The following TMEM63C variants were observed in gnomAD, a reference collection of about 807,000 sequenced individuals.
TMEM63C encodes the protein transmembrane protein 63C, also known as osmosensitive cation channel TMEM63C.
In TMEM63C, 32 loss-of-function variants were observed where a neutral mutation model predicts 99.2. That is an observed-to-expected ratio of 0.32 (90% CI 0.24 to 0.43). The LOEUF (loss-of-function observed/expected upper bound fraction) is 0.43, where lower values mean the gene tolerates loss of function less well. Among genes scored for constraint, TMEM63C ranks in the 20% least tolerant of loss-of-function variants. The pLI is 1.00. For synonymous variants in TMEM63C, 376 were observed against 397.9 expected (o/e 0.94, Z 0.66); for missense variants, 826 against 1,053.0 (o/e 0.78, Z 2.98).
chr14:77,251,807 C>T lies in TMEM63C; in HGVS notation c.2057C>T (p.Thr686Ile). 6.2e-7 allele frequency: 1 copy of T among 1,614,018 alleles called. No individual in the cohort carries two copies. Among genetic ancestry groups the T allele is most frequent in the Non-Finnish European group, 8.5e-7 (1 of 1,179,880 alleles). The change falls in exon 22 of 24, where the codon ACC becomes ATC. Residue 686 changes from threonine (T) to isoleucine (I), a missense_variant. Physicochemically the swap from Thr to Ile is moderately conservative, Grantham distance 89 (BLOSUM62 -1). Coordinates refer to ENST00000298351, the MANE Select transcript of TMEM63C (RefSeq NM_020431.4). ...TCGGCAGGTTCTCTCCACGCCATCA[C>T]CATCTTTTCCCTGTCCACCCTCCTC... ...ILRLGSLHAITIFSLSTLLIA... is the reference protein window; with the variant it reads ...ILRLGSLHAIIIFSLSTLLIA...
chr14:77,184,852 A>C, intron 1 of TMEM63C, among the ~76,000 whole-genome samples: 1 of 152,280 alleles, frequency 6.6e-6, no homozygotes, highest in East Asian at 1.9e-4. Flanking sequence ...CTCACGAAGT[A>C]TGGTGTGTCC....
intron 5 of TMEM63C, 33 bp from the exon 6 acceptor site, chr14:77,225,391 G>A (rs1174019753): frequency 6.2e-7 from 1 of 1,611,336 alleles, no homozygotes; most frequent in East Asian, 2.2e-5. Context: ...CCAGGACCTG[G>A]GTTTTCTCAC....
chr14:77,190,867 C>G (rs1373743712), intron 1 of TMEM63C, among the ~76,000 whole-genome samples: 1 of 152,006 alleles, frequency 6.6e-6, no homozygotes, highest in Non-Finnish European at 1.5e-5. Flanking sequence ...TTCTTTAATA[C>G]CACTCTAGAG....
At chr14:77,230,192 A>C (rs1888911581) in intron 6 of TMEM63C, among the ~76,000 whole-genome samples, 2 of 145,944 alleles carry the variant, frequency 1.4e-5, no homozygotes. Context: ...ACAGAGCAAG[A>C]CTCTGTCTCA....
At chr14:77,194,493 TTTTCTTTCTTTC>T (rs756926975) in intron 1 of TMEM63C, among the ~76,000 whole-genome samples, 70 of 48,738 alleles carry the variant, frequency 1.4e-3, no homozygotes, top group African/African-American at 4.5e-3. Context: ...CATATTTCTT[TTTTCTTTCTTTC>T]TTTCTTTCTT....
intron 2 of TMEM63C, among the ~76,000 whole-genome samples, chr14:77,216,341 G>A (rs760011826): frequency 3.9e-5 from 6 of 152,026 alleles, no homozygotes; most frequent in Non-Finnish European, 7.4e-5. Flanking sequence ...GGCGCACCCC[G>A]AGGCTCCCAC....
At chr14:77,200,271 G>A (rs967142146) in intron 1 of TMEM63C, among the ~76,000 whole-genome samples, 2 of 152,182 alleles carry the variant, frequency 1.3e-5, no homozygotes, top group Admixed American at 1.3e-4. Context: ...AGGCTCTGAT[G>A]ATCCCCAGAG....
At chr14:77,234,221 G>T (rs1414094944) in intron 8 of TMEM63C, among the ~76,000 whole-genome samples, 2 of 152,170 alleles carry the variant, frequency 1.3e-5, no homozygotes, top group Non-Finnish European at 2.9e-5. Flanking sequence ...TGTGAGTGGG[G>T]TTCACACACC....
chr14:77,242,275 G>A lies in TMEM63C; in HGVS notation c.1065-72G>A, dbSNP rs142228943. On this transcript the variant is annotated intron_variant, in intron 13 of 23. Transcript: ENST00000298351. ...ACCACCATAGTGGCCCTGAGCTCCT[G>A]GCATGAGACCCTCCTAAGCCCATCC... 9.9e-4 allele frequency: 1,547 copies of A among 1,559,260 alleles called. 12 individuals are homozygous for A. In the African/African-American group the frequency reaches 0.019, roughly 19 times the overall value.
chr14:77,201,459 A>G (rs10141218), intron 1 of TMEM63C, among the ~76,000 whole-genome samples: 2,972 of 152,286 alleles, frequency 0.02, 99 homozygotes, highest in African/African-American at 0.069. Flanking sequence ...GAGGCTGCCC[A>G]CACCAAAGTC....
chr14:77,255,415 C>A (rs1889444701), intron 23 of TMEM63C, among the ~76,000 whole-genome samples: 1 of 152,178 alleles, frequency 6.6e-6, no homozygotes, highest in African/African-American at 2.4e-5. Flanking sequence ...CTTGTCCAAC[C>A]CAATATCAAA....
chr14:77,244,410 C>G lies in TMEM63C; in HGVS notation c.1403C>G (p.Pro468Arg), dbSNP rs573613212. Reference sequence around the variant, plus strand: ...CTCTGGGGCTTCACAGTGATACTGCCTCTGATTGTCTACTTCTCCGCCTTC... The same window carrying G: ...CTCTGGGGCTTCACAGTGATACTGCGTCTGATTGTCTACTTCTCCGCCTTC... ...VMLWGFTVILPLIVYFSAFLE... is the reference protein window; with the variant it reads ...VMLWGFTVILRLIVYFSAFLE... The change falls in exon 16 of 24, where the codon CCT (proline) becomes CGT (arginine). Residue 468 changes from proline (P) to arginine (R), a missense_variant. Physicochemically the swap from Pro to Arg is moderately radical, Grantham distance 103. Coordinates refer to ENST00000298351, the MANE Select transcript of TMEM63C (RefSeq NM_020431.4). The G allele has an allele frequency of 2.5e-6, 4 of 1,613,836 alleles. No homozygotes were observed. In the African/African-American group the frequency reaches 4.0e-5, roughly 16 times the overall value.
intron 21 of TMEM63C, among the ~76,000 whole-genome samples, chr14:77,250,937 C>A (rs1889349448): frequency 1.3e-5 from 2 of 152,202 alleles, no homozygotes; most frequent in African/African-American, 2.4e-5. Context: ...AACCTGATGT[C>A]TTTTGTTCCC....
intron 2 of TMEM63C, among the ~76,000 whole-genome samples, chr14:77,214,084 C>T (rs1047199484): frequency 6.6e-6 from 1 of 152,106 alleles, no homozygotes; most frequent in Admixed American, 6.5e-5. Context: ...TTCTCCATCC[C>T]CATCTCTCAG....
chr14:77,206,333 CT>C (rs1351431810), intron 1 of TMEM63C, among the ~76,000 whole-genome samples: 1 of 152,198 alleles, frequency 6.6e-6, no homozygotes, highest in Non-Finnish European at 1.5e-5. Flanking sequence ...ATCTCTGCCC[CT>C]GGGACTTGAT....
intron 1 of TMEM63C, among the ~76,000 whole-genome samples, chr14:77,199,194 G>C (rs1888257163): frequency 6.6e-6 from 1 of 152,176 alleles, no homozygotes; most frequent in African/African-American, 2.4e-5. Flanking sequence ...CACACAGATT[G>C]TTTGCTCCCC....
intron 1 of TMEM63C, among the ~76,000 whole-genome samples, chr14:77,183,783 G>A (rs1281802143): frequency 6.6e-6 from 1 of 152,218 alleles, no homozygotes; most frequent in African/African-American, 2.4e-5. Context: ...AGCTGCTGGG[G>A]TGACCTGTGG....
At chr14:77,185,574 C>T (rs1887981419) in intron 1 of TMEM63C, among the ~76,000 whole-genome samples, 1 of 152,106 alleles carries the variant, frequency 6.6e-6, no homozygotes, top group African/African-American at 2.4e-5. Flanking sequence ...ATACAGCTGT[C>T]CATTGGGTTT....
At position 77,194,336 on chromosome 14, in the gene TMEM63C, A is replaced by ATGTGTG. The variant is rs36201483; in HGVS notation, c.-77+12484_-77+12489dup. On this transcript the variant is annotated intron_variant, in intron 1 of 23. Transcript: ENST00000298351. ...AAGATGCAGGCATAGATATATATAT[A>ATGTGTG]TGTGTGTGTGTGTGTGTGTGTGTGT... 5.5e-3 allele frequency among the ~76,000 whole-genome samples: 485 copies of ATGTGTG among 87,564 alleles called. 8 individuals carry two copies. Among genetic ancestry groups the ATGTGTG allele is most frequent in the African/African-American group, 0.027 (456 of 16,972 alleles). The allele number at this position is 87,564 out of a possible 152,430, so 57.4% of individuals were successfully genotyped here. A position where few individuals can be genotyped will look rare whatever the true frequency, so the allele number is the denominator to read the frequency against.
Sources: gnomAD v4.1 joint callset for allele counts (sites outside exome capture counted in the v4.1 genomes callset) on GRCh38, gnomAD v4.1.1 for gene constraint, MANE v1.5 for transcripts, NCBI Gene and HGNC (gene_info 2026-07-23, HGNC 2026-07-21) for gene names.